Variants in RCAN1 observed in about 807,000 individuals in gnomAD.
RCAN1 encodes the protein calcipressin-1.
Under a neutral mutation model 22.9 loss-of-function variants are expected in RCAN1, and 11 were observed. The observed-to-expected ratio is 0.48, with a 90% CI of 0.30 to 0.79. RCAN1 has a LOEUF of 0.79. Among genes scored for constraint, RCAN1 ranks in the 30% least tolerant of loss-of-function variants. The pLI is 0.06. For missense variants in RCAN1, 291 were observed against 337.8 expected (o/e 0.86, Z 1.09); for synonymous variants, 136 against 142.3 (o/e 0.96, Z 0.32).
At chr21:34,539,369 T>A (rs1985819647) in intron 1 of RCAN1, among the ~76,000 whole-genome samples, 1 of 152,262 alleles carries the variant, frequency 6.6e-6, no homozygotes, top group Admixed American at 6.5e-5. Context: ...CATGAAAAGA[T>A]GTTCAAGACT....
intron 1 of RCAN1, among the ~76,000 whole-genome samples, chr21:34,605,026 T>C (rs1988479640): frequency 6.6e-6 from 1 of 152,222 alleles, no homozygotes; most frequent in South Asian, 2.1e-4. Context: ...ATATATGTGA[T>C]AGTTAATATT....
intron 1 of RCAN1, among the ~76,000 whole-genome samples, chr21:34,555,830 A>G (rs1568905965): frequency 6.6e-6 from 1 of 151,720 alleles, no homozygotes. Context: ...TGGGAGGCCG[A>G]GGCAGGTGGA....
intron 1 of RCAN1, among the ~76,000 whole-genome samples, chr21:34,547,090 C>T (rs1190703431): frequency 2.0e-5 from 3 of 152,126 alleles, no homozygotes; most frequent in African/African-American, 7.2e-5. Context: ...CACAAAGGGT[C>T]GCAAACAAAC....
At chr21:34,613,237 C>T (rs892640246) in intron 1 of RCAN1, among the ~76,000 whole-genome samples, 1 of 152,256 alleles carries the variant, frequency 6.6e-6, no homozygotes, top group Non-Finnish European at 1.5e-5. Context: ...CAGATCTCCA[C>T]TCCCTCCTCC....
intron 1 of RCAN1, among the ~76,000 whole-genome samples, chr21:34,581,743 T>C (rs79896142): frequency 0.027 from 4,182 of 152,284 alleles, 166 homozygotes; most frequent in South Asian, 0.11. Context: ...AATACCGTTA[T>C]TCATGAAAAA....
chr21:34,519,324 A>C (rs1217135251), intron 3 of RCAN1, among the ~76,000 whole-genome samples: 1 of 151,118 alleles, frequency 6.6e-6, no homozygotes, highest in Non-Finnish European at 1.5e-5. Flanking sequence ...GTGTGGCCTC[A>C]TGGTCAGTTT....
At chr21:34,549,705 G>A (rs139166030) in intron 1 of RCAN1, among the ~76,000 whole-genome samples, 5 of 152,350 alleles carry the variant, frequency 3.3e-5, no homozygotes, top group African/African-American at 1.2e-4. Flanking sequence ...ACCAGGAGGA[G>A]GTCAGCAGCC....
chr21:34,533,389 T>A (rs568621429), intron 1 of RCAN1, among the ~76,000 whole-genome samples: 7 of 152,366 alleles, frequency 4.6e-5, no homozygotes, highest in Non-Finnish European at 8.8e-5. Context: ...GGGGTTTTTT[T>A]AATCAAATAA....
At chr21:34,587,916 A>T (rs1041110655) in intron 1 of RCAN1, among the ~76,000 whole-genome samples, 1 of 152,168 alleles carries the variant, frequency 6.6e-6, no homozygotes, top group African/African-American at 2.4e-5. Flanking sequence ...CCAATCAGTT[A>T]AAGGCCTTAA....
At chr21:34,595,910 G>A (rs2123717590) in intron 1 of RCAN1, among the ~76,000 whole-genome samples, 1 of 152,226 alleles carries the variant, frequency 6.6e-6, no homozygotes, top group East Asian at 1.9e-4. Context: ...CCCCCACACA[G>A]TCCATCTACG....
chr21:34,526,910 T>A (rs1390576826), intron 1 of RCAN1: 1 of 1,442,780 alleles, frequency 6.9e-7, no homozygotes, highest in African/African-American at 1.5e-5. Context: ...TTCCACAGCA[T>A]CCTGTTTGGA....
chr21:34,520,943 T>G, intron 3 of RCAN1: 1 of 428,694 alleles, frequency 2.3e-6, no homozygotes, highest in Non-Finnish European at 3.2e-6. Context: ...GGGAACTTCC[T>G]CTTTCTTTAG....
chr21:34,598,861 A>AG (rs200172065), intron 1 of RCAN1, among the ~76,000 whole-genome samples: 3,628 of 152,324 alleles, frequency 0.024, 117 homozygotes, highest in South Asian at 0.1. Context: ...CAGTTTATAG[A>AG]GGAAAAAAAG....
At chr21:34,603,053 G>C (rs900078685) in intron 1 of RCAN1, among the ~76,000 whole-genome samples, 8 of 152,102 alleles carry the variant, frequency 5.3e-5, no homozygotes, top group African/African-American at 1.4e-4. Flanking sequence ...GGAGAGGGGT[G>C]TCTCTCCACT....
At chr21:34,567,908 A>G (rs778300227) in intron 1 of RCAN1, among the ~76,000 whole-genome samples, 5 of 152,226 alleles carry the variant, frequency 3.3e-5, no homozygotes, top group Non-Finnish European at 7.3e-5. Flanking sequence ...CTGGAGTGAA[A>G]TAGATATTTC....
At chr21:34,538,685 CT>C (rs1022363743) in intron 1 of RCAN1, among the ~76,000 whole-genome samples, 26 of 152,178 alleles carry the variant, frequency 1.7e-4, no homozygotes, top group Admixed American at 1.7e-3. Flanking sequence ...TGAGACGACC[CT>C]TATCGGAGCA....
intron 3 of RCAN1, chr21:34,521,143 A>C: frequency 7.9e-7 from 1 of 1,261,706 alleles, no homozygotes; most frequent in Non-Finnish European, 9.9e-7. Flanking sequence ...TCCCTTTCCA[A>C]AGTCCAATCA....
intron 1 of RCAN1, among the ~76,000 whole-genome samples, chr21:34,574,896 G>C (rs1987359516): frequency 6.6e-6 from 1 of 152,140 alleles, no homozygotes. Flanking sequence ...AGCATAAACC[G>C]TACTGACAAC....
At chr21:34,578,495 G>A (rs145475909) in intron 1 of RCAN1, among the ~76,000 whole-genome samples, 1 of 152,314 alleles carries the variant, frequency 6.6e-6, no homozygotes, top group Non-Finnish European at 1.5e-5. Context: ...CTGGTCATCT[G>A]TGAGCAGGGT....
Sources: gnomAD v4.1 joint callset for allele counts (sites outside exome capture counted in the v4.1 genomes callset) on GRCh38, gnomAD v4.1.1 for gene constraint, MANE v1.5 for transcripts, NCBI Gene and HGNC (gene_info 2026-07-23, HGNC 2026-07-21) for gene names.